Variants in SNRPN observed in about 807,000 individuals in gnomAD.
The protein encoded by SNRPN is small nuclear ribonucleoprotein-associated protein N.
SNRPN carries 7 observed loss-of-function variants against 25.2 expected under a neutral mutation model. That is an observed-to-expected ratio of 0.28 (90% CI 0.16 to 0.52). The LOEUF is 0.52. SNRPN is among the 20% of genes least tolerant of loss of function. The pLI is 0.96. For synonymous variants in SNRPN, 124 were observed against 110.6 expected (o/e 1.12, Z -0.76); for missense variants, 196 against 322.5 (o/e 0.61, Z 3.00).
Position 24,975,437 on chromosome 15 carries a change from T to C in SNRPN, c.83T>C (p.Ile28Thr), listed in dbSNP as rs1194723508. 1.2e-6 allele frequency: 2 copies of C among 1,613,466 alleles called. No individual in the cohort carries two copies. The highest frequency in any genetic ancestry group is 2.2e-5 in the East Asian group (1 of 44,860). Residue 28 changes from isoleucine (I) to threonine (T), a missense_variant, in exon 5 of 10, where the codon ATT becomes ACT. Transcript: ENST00000390687. ...RCILQDGRIFIGTFKAFDKHM... is the reference protein window; with the variant it reads ...RCILQDGRIFTGTFKAFDKHM... ...ATCCTGCAAGATGGCCGAATCTTCA[T>C]TGGCACCTTTAAGGCTTTTGACAAG...
intron 2 of SNRPN, among the ~76,000 whole-genome samples, chr15:24,913,648 A>AC (rs553787261): frequency 2.0e-5 from 3 of 152,062 alleles, no homozygotes; most frequent in African/African-American, 7.2e-5. Flanking sequence ...TCCGTCTCAA[A>AC]AAAACAAAAC....
chr15:24,919,893 C>G (rs1019147765), intron 2 of SNRPN: 1 of 143,288 alleles, frequency 7.0e-6, no homozygotes, highest in Admixed American at 6.9e-5. Context: ...TTCCTCTGCC[C>G]CATTTGTATC....
intron 1 of SNRPN, among the ~76,000 whole-genome samples, chr15:24,868,909 G>A (rs984133888): frequency 2.5e-4 from 38 of 152,212 alleles, no homozygotes; most frequent in African/African-American, 7.2e-4. Context: ...GGACGAGGTG[G>A]GAGGATCACT....
At chr15:24,967,889 A>G in intron 2 of SNRPN, 43 bp from the exon 3 acceptor site, 1 of 1,530,430 alleles carries the variant, frequency 6.5e-7, no homozygotes, top group Non-Finnish European at 9.1e-7. Context: ...CTATAAAGAC[A>G]AATGTATTTT....
rs527959600 is a variant in SNRPN, at chr15:24,824,300, C to T, written c.-687+450C>T. Among the ~76,000 whole-genome samples the T allele has an allele frequency of 5.9e-5, 9 of 152,126 alleles. No individual in the cohort carries two copies. In the South Asian group the frequency reaches 1.9e-3, roughly 32 times the overall value. On this transcript the variant is annotated intron_variant, in intron 1 of 12. Coordinates refer to the SNRPN transcript ENST00000400100. ...TTGTGTAGACAGAACACTGAGAGTC[C>T]CATTCTGAATGCAGAGACAGCTACT...
chr15:24,918,370 ATATATATAACATAATATATATGTG>A lies in SNRPN; in HGVS notation c.-504-1632_-504-1609del, dbSNP rs1566908543. ...TATATATAACATTATATATATGTGT[ATATATATAACATAATATATATGTG>A]TATATATATAACATAATATATATGT... On this transcript the variant is annotated intron_variant, in intron 2 of 11. Coordinates refer to the SNRPN transcript ENST00000400097. Among the ~76,000 whole-genome samples the A allele has an allele frequency of 2.8e-4, 35 of 124,380 alleles. 1 individual carries two copies. The highest frequency in any genetic ancestry group is 4.3e-4 in the Non-Finnish European group (26 of 60,130). The allele number at this position is 124,380 out of a possible 152,430, so 81.6% of individuals were successfully genotyped here. A position where few individuals can be genotyped will look rare whatever the true frequency, so the allele number is the denominator to read the frequency against.
intron 3 of SNRPN, among the ~76,000 whole-genome samples, chr15:24,940,414 T>C (rs2153034619): frequency 6.6e-6 from 1 of 152,280 alleles, no homozygotes; most frequent in African/African-American, 2.4e-5. Context: ...ACTTCATTCT[T>C]TTGCATGTGG....
chr15:24,887,146 CTTTTTTTTTT>C (rs759363529), intron 2 of SNRPN, among the ~76,000 whole-genome samples: 1 of 128,798 alleles, frequency 7.8e-6, no homozygotes, highest in East Asian at 2.3e-4. Flanking sequence ...ACACTGAGGT[CTTTTTTTTTT>C]TTTTTTTTTG....
intron 1 of SNRPN, among the ~76,000 whole-genome samples, chr15:24,825,708 C>G (rs1023546495): frequency 2.6e-5 from 4 of 152,014 alleles, no homozygotes; most frequent in Non-Finnish European, 5.9e-5. Flanking sequence ...TACATTTGTA[C>G]AAAATCATCT....
rs200559101 is a variant in SNRPN, at chr15:24,918,329, AATATATATGTGTATATATATATAACATT to A, written c.-504-1660_-504-1633del. On this transcript the variant is annotated intron_variant, in intron 2 of 11. Coordinates refer to the SNRPN transcript ENST00000400097. ...ATGCAAACATATATATATATAACAT[AATATATATGTGTATATATATATAACATT>A]ATATATATGTGTATATATATAACAT... Among the ~76,000 whole-genome samples, 611 of 75,090 alleles carry A rather than the reference AATATATATGTGTATATATATATAACATT, an allele frequency of 8.1e-3. 27 individuals are homozygous for A. Among genetic ancestry groups the A allele is most frequent in the South Asian group, 0.016 (27 of 1,726 alleles). The allele number at this position is 75,090 out of a possible 152,430, so 49.3% of individuals were successfully genotyped here. A position where few individuals can be genotyped will look rare whatever the true frequency, so the allele number is the denominator to read the frequency against.
rs2077330636 is a variant in SNRPN at position 24,978,686 on chromosome 15, C to T, written c.*242C>T. 3.7e-6 allele frequency: 2 copies of T among 546,500 alleles called. No homozygotes were observed. The highest frequency in any genetic ancestry group is 6.9e-5 in the Admixed American group (2 of 29,152). 33.9% of individuals were successfully genotyped at this position (546,500 alleles called of 1,614,324 possible). ...AAGCAGTTGATTCAAATCATATTCT[C>T]TTTAATTCTTAGGATAAAAAGGTTT... On this transcript the variant is annotated 3_prime_UTR_variant, in exon 10 of 10. Transcript: ENST00000390687.
At chr15:24,857,979 G>A (rs149581217) in intron 1 of SNRPN, among the ~76,000 whole-genome samples, 56 of 152,168 alleles carry the variant, frequency 3.7e-4, no homozygotes, top group African/African-American at 1.2e-3. Flanking sequence ...CAGTTCCCCG[G>A]TTGGGGCCAT....
At chr15:24,846,467 AG>A (rs1168182751) in intron 2 of SNRPN, among the ~76,000 whole-genome samples, 1 of 152,204 alleles carries the variant, frequency 6.6e-6, no homozygotes, top group Non-Finnish European at 1.5e-5. Flanking sequence ...ATGAACAAAT[AG>A]GCAATGCAAA....
chr15:24,882,960 T>G (rs1357440739), intron 1 of SNRPN, among the ~76,000 whole-genome samples: 3 of 152,006 alleles, frequency 2.0e-5, no homozygotes, highest in Non-Finnish European at 4.4e-5. Flanking sequence ...TTGGGCAAAA[T>G]CATCAAACAC....
At chr15:24,977,653 A>G in intron 7 of SNRPN, 125 bp from the exon 8 acceptor site, 3 of 945,570 alleles carry the variant, frequency 3.2e-6, no homozygotes, top group Non-Finnish European at 1.5e-6. Flanking sequence ...AAACATGGGA[A>G]TAATGAGAGA....
upstream of SNRPN, chr15:24,852,054 G>T (rs906728195): frequency 1.3e-5 from 2 of 152,292 alleles, no homozygotes; most frequent in Non-Finnish European, 1.5e-5. Flanking sequence ...AATGTTGTCA[G>T]CTTGGTAAAC....
At position 24,837,602 on chromosome 15, in the gene SNRPN, T is replaced by C. The variant is rs562501405; in HGVS notation, c.-579+7697T>C. Among the ~76,000 whole-genome samples the C allele has an allele frequency of 2.0e-3, 298 of 151,826 alleles. 1 individual carries two copies. Among genetic ancestry groups the C allele is most frequent in the Non-Finnish European group, 3.1e-3 (208 of 67,932 alleles). ...GCTAGGATGGTCTCGATCTCCTGAC[T>C]TCGTGATCCACCCGCCTCGGCCACC... On this transcript the variant is annotated intron_variant, in intron 2 of 12. Transcript: ENST00000400100.
intron 4 of SNRPN, 42 bp downstream of exon 4, chr15:24,974,498 G>A: frequency 6.9e-6 from 11 of 1,603,378 alleles, no homozygotes; most frequent in Non-Finnish European, 9.4e-6. Flanking sequence ...TGTGCTGTAA[G>A]GGCCGAAAGA....
At chr15:24,824,654 TG>T (rs2049952429) in intron 1 of SNRPN, among the ~76,000 whole-genome samples, 1 of 152,100 alleles carries the variant, frequency 6.6e-6, no homozygotes, top group African/African-American at 2.4e-5. Context: ...AATTTTTATA[TG>T]TTCATTTTTA....
Sources: allele counts gnomAD v4.1 joint callset (sites outside exome capture counted in the v4.1 genomes callset), GRCh38; gene constraint gnomAD v4.1.1; transcripts MANE v1.5; gene names NCBI Gene and HGNC (gene_info 2026-07-23, HGNC 2026-07-21).